Variants in WWC1 observed in about 807,000 individuals in gnomAD.
WWC1 encodes the protein WW and C2 domain containing 1, also known as protein KIBRA.
Under a neutral mutation model 138.4 loss-of-function variants are expected in WWC1, and 55 were observed. The observed-to-expected ratio is 0.40, with a 90% CI of 0.32 to 0.50. WWC1 has a LOEUF of 0.50. WWC1 is among the 20% of genes least tolerant of loss of function. The pLI, the probability that WWC1 is intolerant of heterozygous loss-of-function variation, is 0.72. For synonymous variants in WWC1, 524 were observed against 564.9 expected, an observed-to-expected ratio of 0.93 and a Z score of 1.03; for missense variants, 1,226 against 1,420.4, an observed-to-expected ratio of 0.86 and a Z score of 2.20.
At chr5:168,362,779 A>G (rs775003048) in intron 1 of WWC1, among the ~76,000 whole-genome samples, 2 of 152,194 alleles carry the variant, frequency 1.3e-5, no homozygotes, top group African/African-American at 2.4e-5. Context: ...GATGGACCCA[A>G]AGGGCACAGG....
At chr5:168,468,854 G>A (rs1255706086) in intron 22 of WWC1, 97 bp from the exon 23 acceptor site, 1 of 1,319,172 alleles carries the variant, frequency 7.6e-7, no homozygotes, top group African/African-American at 1.4e-5. Context: ...TGCAGCGAAT[G>A]TATAGGACAG....
At chr5:168,410,652 C>T (rs1057247280) in intron 8 of WWC1, among the ~76,000 whole-genome samples, 1 of 152,222 alleles carries the variant, frequency 6.6e-6, no homozygotes, top group Non-Finnish European at 1.5e-5. Flanking sequence ...GATCCTCCCA[C>T]CTCAGCCTCC....
At position 168,431,463 on chromosome 5, in the gene WWC1, TG is replaced by T; in HGVS notation, c.2280+21del. 1 of 310,870 alleles carries T rather than the reference TG, an allele frequency of 3.2e-6. No individual in the cohort carries two copies. The highest frequency in any genetic ancestry group is 3.9e-6 in the Non-Finnish European group (1 of 253,466). 19.3% of individuals were successfully genotyped at this position (310,870 alleles called of 1,614,324 possible). On this transcript the variant is annotated intron_variant, in intron 15 of 22. Coordinates refer to ENST00000265293, the MANE Select transcript of WWC1 (RefSeq NM_015238.3). ...GTGCCTGGTAAGGGCCGTGTCTGGC[TG>T]GCTGGCTGGCTGGCTGGCTGGCTGG...
At chr5:168,355,336 C>A (rs11948084) in intron 1 of WWC1, among the ~76,000 whole-genome samples, 15,597 of 151,630 alleles carry the variant, frequency 0.1, 1,165 homozygotes, top group African/African-American at 0.21. Flanking sequence ...TCCACTAAAA[C>A]TACAAAAATT....
chr5:168,463,636 GGGA>G (rs1313463986), intron 20 of WWC1, among the ~76,000 whole-genome samples: 1 of 152,164 alleles, frequency 6.6e-6, no homozygotes, highest in African/African-American at 2.4e-5. Flanking sequence ...GATTTTTGAT[GGGA>G]GGAGAGTTAA....
chr5:168,441,404 T>C (rs190831194), intron 15 of WWC1, among the ~76,000 whole-genome samples: 5 of 152,336 alleles, frequency 3.3e-5, no homozygotes, highest in African/African-American at 7.2e-5. Context: ...GCAAAGATGG[T>C]AAACTAAAGG....
At chr5:168,376,126 T>C (rs186295268) in intron 2 of WWC1, among the ~76,000 whole-genome samples, 1 of 152,068 alleles carries the variant, frequency 6.6e-6, no homozygotes, top group Admixed American at 6.6e-5. Flanking sequence ...TGATCTTGGC[T>C]CACTGCAACC....
At chr5:168,398,996 G>C (rs1779119439) in intron 4 of WWC1, among the ~76,000 whole-genome samples, 1 of 152,222 alleles carries the variant, frequency 6.6e-6, no homozygotes, top group Non-Finnish European at 1.5e-5. Context: ...AGCAGACCGA[G>C]TCTAGCTCCT....
intron 20 of WWC1, among the ~76,000 whole-genome samples, chr5:168,462,209 T>G (rs1756880078): frequency 6.7e-6 from 1 of 150,366 alleles, no homozygotes. Flanking sequence ...CCTAACATCC[T>G]ACACCTTAAC....
intron 1 of WWC1, among the ~76,000 whole-genome samples, chr5:168,342,236 G>C (rs1774092743): frequency 6.6e-6 from 1 of 152,216 alleles, no homozygotes; most frequent in African/African-American, 2.4e-5. Context: ...TGGAGCAGAG[G>C]AAGGGAGAGG....
chr5:168,464,255 G>T lies in WWC1; in HGVS notation c.2917-474G>T, dbSNP rs76916941. ...TGACTTCTGCCCTCAAGCAGGAACA[G>T]ACCTGTATTGGGGAAACAACTTCAG... On this transcript the variant is annotated intron_variant, in intron 20 of 22. Coordinates refer to ENST00000265293, the MANE Select transcript of WWC1 (RefSeq NM_015238.3). Among the ~76,000 whole-genome samples, 730 of 152,256 alleles carry T rather than the reference G, an allele frequency of 4.8e-3. 7 individuals are homozygous for T. Among genetic ancestry groups the T allele is most frequent in the African/African-American group, 0.017 (704 of 41,534 alleles).
intron 1 of WWC1, among the ~76,000 whole-genome samples, chr5:168,323,992 T>G (rs1219292100): frequency 6.6e-6 from 1 of 152,166 alleles, no homozygotes; most frequent in Non-Finnish European, 1.5e-5. Flanking sequence ...ATCTCTAAGG[T>G]GCTGAAAGGG....
chr5:168,315,675 A>G (rs1240236333), intron 1 of WWC1, among the ~76,000 whole-genome samples: 4 of 152,084 alleles, frequency 2.6e-5, no homozygotes, highest in Non-Finnish European at 5.9e-5. Flanking sequence ...AGTTTTGCCT[A>G]TAATTGGTAC....
At chr5:168,346,614 T>G (rs1317858079) in intron 1 of WWC1, among the ~76,000 whole-genome samples, 1 of 152,194 alleles carries the variant, frequency 6.6e-6, no homozygotes, top group East Asian at 1.9e-4. Context: ...TACCTCCTGT[T>G]TGACTAGGAG....
In WWC1 at chr5:168,406,399, G is replaced by C. The variant is rs568457354; in HGVS notation, c.720+72G>C. On this transcript the variant is annotated intron_variant, in intron 6 of 22. Transcript: ENST00000265293. ...GTATTCCTGTATGCCAGTCGTATGC[G>C]GGCTATTTCCACGTGGTACACACAT... The C allele has an allele frequency of 8.2e-6, 13 of 1,586,362 alleles. No individual in the cohort carries two copies. The African/African-American group carries it at 1.8e-4, about 21-fold the overall frequency.
In WWC1 at chr5:168,428,046, C is replaced by T. The variant is rs1781640810; in HGVS notation, c.1824C>T (p.Ala608=). 1 of 1,613,586 alleles carries T rather than the reference C, an allele frequency of 6.2e-7. No homozygotes were observed. Among genetic ancestry groups the T allele is most frequent in the Non-Finnish European group, 8.5e-7 (1 of 1,179,662 alleles). ...TTCCTTCCCTAGCTGTGAATACGGCCCAGGGGTGTGGCCTGAAAGTGGCCT... is the reference window on the plus strand; with the variant it reads ...TTCCTTCCCTAGCTGTGAATACGGCTCAGGGGTGTGGCCTGAAAGTGGCCT... ...GKQLGQAVNT[A]QGCGLKVACV... Residue 608 remains alanine (A), a synonymous_variant, in exon 12 of 23, where the codon GCC becomes GCT. Transcript: ENST00000265293.
At chr5:168,409,018 C>A (rs919296468) in intron 7 of WWC1, among the ~76,000 whole-genome samples, 5 of 152,192 alleles carry the variant, frequency 3.3e-5, no homozygotes, top group East Asian at 3.9e-4. Context: ...CTTTCCCCAG[C>A]TGGACAGCAG....
At chr5:168,454,125 G>A in intron 18 of WWC1, 25 bp downstream of exon 18, 1 of 1,605,450 alleles carries the variant, frequency 6.2e-7, no homozygotes, top group Non-Finnish European at 8.5e-7. Flanking sequence ...GGGGATAGAA[G>A]GGCTGTCGTG....
chr5:168,421,143 G>C (rs766219000), intron 9 of WWC1, among the ~76,000 whole-genome samples: 1 of 152,174 alleles, frequency 6.6e-6, no homozygotes, highest in Non-Finnish European at 1.5e-5. Context: ...AGGAACTCAG[G>C]CTCTTTCCAT....
Sources: allele counts gnomAD v4.1 joint callset (sites outside exome capture counted in the v4.1 genomes callset), GRCh38; gene constraint gnomAD v4.1.1; transcripts MANE v1.5; gene names NCBI Gene and HGNC (gene_info 2026-07-23, HGNC 2026-07-21).